PEX14: variants seen among roughly 807,000 people sequenced by gnomAD.
The protein encoded by PEX14 is peroxisomal biogenesis factor 14.
In PEX14, 15 loss-of-function variants were observed where a neutral mutation model predicts 49.5. The observed-to-expected ratio is 0.30, with a 90% CI of 0.20 to 0.47. PEX14 has a LOEUF of 0.47. Among genes scored for constraint, PEX14 ranks in the 20% least tolerant of loss-of-function variants. The pLI is 1.00. For missense variants in PEX14, 398 were observed against 494.8 expected (o/e 0.80, Z 1.86); for synonymous variants, 210 against 212.7 (o/e 0.99, Z 0.11).
chr1:10,628,116 A>G lies in PEX14; in HGVS notation c.677+753A>G, dbSNP rs1641804530. Among the ~76,000 whole-genome samples the G allele has an allele frequency of 6.6e-6, 1 of 152,106 alleles. No individual in the cohort carries two copies. Among genetic ancestry groups the G allele is most frequent in the South Asian group, 2.1e-4 (1 of 4,830 alleles). On this transcript the variant is annotated intron_variant, in intron 8 of 8. Transcript: ENST00000356607. This position sits in a 1 kb window ranked among gnomAD's most constrained non-coding sequence, Gnocchi z 4.5. Reference sequence around the variant, plus strand: ...ACTCCCGGCTAATTTTTGTATTTTTAGTAGAGGTGGGATTTTGCTATGTTG... The same window carrying G: ...ACTCCCGGCTAATTTTTGTATTTTTGGTAGAGGTGGGATTTTGCTATGTTG...
chr1:10,522,978 G>C (rs1176783465), intron 2 of PEX14, among the ~76,000 whole-genome samples: 1 of 152,200 alleles, frequency 6.6e-6, no homozygotes, highest in Non-Finnish European at 1.5e-5. Context: ...GCATAGCTGT[G>C]TTTTCAAAAC....
intron 4 of PEX14, among the ~76,000 whole-genome samples, chr1:10,608,767 T>G (rs905457534): frequency 1.3e-5 from 2 of 151,996 alleles, no homozygotes; most frequent in African/African-American, 4.8e-5. Context: ...GCTATCGAAG[T>G]ATACTTTATA....
At chr1:10,627,028 T>A (rs1052481544) in intron 7 of PEX14, among the ~76,000 whole-genome samples, 3 of 152,216 alleles carry the variant, frequency 2.0e-5, no homozygotes, top group African/African-American at 7.2e-5. Context: ...TACCATTATG[T>A]CACCTAAAAA....
chr1:10,515,176 AAG>A lies in PEX14; in HGVS notation c.84+19859_84+19860del, dbSNP rs200256921. Among the ~76,000 whole-genome samples the A allele has an allele frequency of 1.9e-3, 294 of 152,302 alleles. 14 individuals are homozygous for A. In the East Asian group the frequency reaches 0.046, roughly 24 times the overall value. ...TAAATTATGAAATTACAAAAGAAAAAAGAGAATGCACTTATTCAGACTCTTAA... is the reference window on the plus strand; with the variant it reads ...TAAATTATGAAATTACAAAAGAAAAAAGAATGCACTTATTCAGACTCTTAA... On this transcript the variant is annotated intron_variant, in intron 2 of 8. Coordinates refer to ENST00000356607, the MANE Select transcript of PEX14 (RefSeq NM_004565.3).
rs1055031940 is a variant in PEX14 at position 10,512,933 on chromosome 1, G to A, written c.84+17612G>A. Among the ~76,000 whole-genome samples, 17 of 152,122 alleles carry A rather than the reference G, an allele frequency of 1.1e-4. No homozygotes were observed. The highest frequency in any genetic ancestry group is 2.4e-4 in the Non-Finnish European group (16 of 68,026). ...GGGATGGTCTGGATCTCGTGACCTC[G>A]TGATCCACCCACCTTGGTCTCCCAG... On this transcript the variant is annotated intron_variant, in intron 2 of 8. Transcript: ENST00000356607. The surrounding 1 kb of genome is among the most constrained non-coding windows in gnomAD (Gnocchi z 4.6).
rs150949208 is a variant in PEX14 at position 10,608,879 on chromosome 1, C to T, written c.299-9453C>T. 8.5e-5 allele frequency among the ~76,000 whole-genome samples: 13 copies of T among 152,208 alleles called. No individual in the cohort carries two copies. In the East Asian group the frequency reaches 2.5e-3, roughly 29 times the overall value. On this transcript the variant is annotated intron_variant, in intron 4 of 8. Transcript: ENST00000356607. Reference sequence around the variant, plus strand: ...ATAAATCAGCTTTAGAGTACTTCACCTCCCCTGCAAGATCCTTTGGGCCCA... The same window carrying T: ...ATAAATCAGCTTTAGAGTACTTCACTTCCCCTGCAAGATCCTTTGGGCCCA...
chr1:10,578,456 T>C (rs1464035959), intron 3 of PEX14, among the ~76,000 whole-genome samples: 3 of 152,100 alleles, frequency 2.0e-5, no homozygotes, highest in African/African-American at 7.2e-5. Flanking sequence ...GATTTAACTG[T>C]CTACTAGAAA....
chr1:10,610,037 C>T lies in PEX14; in HGVS notation c.299-8295C>T, dbSNP rs886910770. Reference sequence around the variant, plus strand: ...ATATATATGTATTGATATATAAATACATATTTATATAAATACATATAATTT... The same window carrying T: ...ATATATATGTATTGATATATAAATATATATTTATATAAATACATATAATTT... On this transcript the variant is annotated intron_variant, in intron 4 of 8. Coordinates refer to ENST00000356607, the MANE Select transcript of PEX14 (RefSeq NM_004565.3). 6.4e-4 allele frequency among the ~76,000 whole-genome samples: 94 copies of T among 147,850 alleles called. 1 individual carries two copies. The highest frequency in any genetic ancestry group is 2.2e-3 in the African/African-American group (89 of 40,596).
intron 2 of PEX14, among the ~76,000 whole-genome samples, chr1:10,513,515 TGGGTAA>T (rs1044087517): frequency 2.6e-5 from 4 of 152,180 alleles, no homozygotes; most frequent in Non-Finnish European, 5.9e-5. Flanking sequence ...GCTTAGGACA[TGGGTAA>T]TTACTCCTAG....
At chr1:10,575,588 G>GA (rs1387291593) in intron 3 of PEX14, among the ~76,000 whole-genome samples, 1 of 151,974 alleles carries the variant, frequency 6.6e-6, no homozygotes, top group African/African-American at 2.4e-5. Context: ...AAGAAGCCCT[G>GA]AAAAAAAATT....
At chr1:10,573,893 G>A (rs936827874) in intron 3 of PEX14, among the ~76,000 whole-genome samples, 12 of 152,218 alleles carry the variant, frequency 7.9e-5, no homozygotes, top group African/African-American at 2.9e-4. Context: ...TTGAGATCAG[G>A]AGTTCAAGAC....
intron 2 of PEX14, among the ~76,000 whole-genome samples, chr1:10,520,148 C>CTTTTTTTTTTTTTTTTTTTTTTT (rs565247030): frequency 3.8e-4 from 26 of 69,172 alleles, no homozygotes; most frequent in Non-Finnish European, 6.7e-4. Flanking sequence ...CCTTCTTCTT[C>CTTTTTTTTTTTTTTTTTTTTTTT]TTTTTTTTTT....
intron 4 of PEX14, among the ~76,000 whole-genome samples, chr1:10,616,290 A>G (rs1641413862): frequency 6.6e-6 from 1 of 152,094 alleles, no homozygotes; most frequent in South Asian, 2.1e-4. Flanking sequence ...TCCTGCCCTG[A>G]GCTGAAGGAA....
intron 2 of PEX14, among the ~76,000 whole-genome samples, chr1:10,533,813 C>T (rs764445027): frequency 4.6e-5 from 7 of 152,090 alleles, no homozygotes; most frequent in South Asian, 2.1e-4. Flanking sequence ...CCGATGGATC[C>T]GTTTTGCCTA....
At chr1:10,533,485 T>G (rs1570222714) in intron 2 of PEX14, among the ~76,000 whole-genome samples, 1 of 152,204 alleles carries the variant, frequency 6.6e-6, no homozygotes, top group East Asian at 1.9e-4. Context: ...AATTCATTTT[T>G]CTTGCTTTTT....
At chr1:10,503,334 A>T (rs1258904841) in intron 2 of PEX14, among the ~76,000 whole-genome samples, 1 of 150,292 alleles carries the variant, frequency 6.7e-6, no homozygotes, top group Non-Finnish European at 1.5e-5. Context: ...AGAAAAAAGA[A>T]AAAAGATTAT....
At chr1:10,611,342 C>G (rs1296309149) in intron 4 of PEX14, among the ~76,000 whole-genome samples, 1 of 152,200 alleles carries the variant, frequency 6.6e-6, no homozygotes, top group African/African-American at 2.4e-5. Context: ...GATTGGCCAA[C>G]TGGCTATAGT....
intron 2 of PEX14, among the ~76,000 whole-genome samples, chr1:10,530,527 G>A (rs1638617418): frequency 6.6e-6 from 1 of 152,212 alleles, no homozygotes; most frequent in Non-Finnish European, 1.5e-5. Context: ...TGCCATTCCA[G>A]TGGTTTTACT....
intron 2 of PEX14, among the ~76,000 whole-genome samples, chr1:10,532,410 G>A (rs1435506577): frequency 6.6e-6 from 1 of 151,874 alleles, no homozygotes; most frequent in Non-Finnish European, 1.5e-5. Flanking sequence ...TGGGGGGCGG[G>A]GAGAAACTGG....
Sources: gnomAD v4.1 joint callset for allele counts (sites outside exome capture counted in the v4.1 genomes callset) on GRCh38, gnomAD v4.1.1 for gene constraint, Gnocchi (gnomAD v3.1) non-coding constraint, MANE v1.5 for transcripts, NCBI Gene and HGNC (gene_info 2026-07-23, HGNC 2026-07-21) for gene names.